The following VEPH1 variants were observed in gnomAD, a reference collection of about 807,000 sequenced individuals.
VEPH1 encodes ventricular zone-expressed PH domain-containing protein homolog 1.
Under a neutral mutation model 85.2 loss-of-function variants are expected in VEPH1, and 80 were observed. The observed-to-expected ratio is 0.94, with a 90% confidence interval of 0.78 to 1.13. The LOEUF (loss-of-function observed/expected upper bound fraction) is 1.13. VEPH1 is among the 50% of genes most tolerant of loss of function. VEPH1 has a pLI of 0.00. For synonymous variants in VEPH1, 297 were observed against 348.0 expected, an observed-to-expected ratio of 0.85 and a Z score of 1.63; for missense variants, 955 against 980.5, an observed-to-expected ratio of 0.97 and a Z score of 0.35.
At chr3:157,494,585 G>A (rs969084143) in intron 2 of VEPH1, among the ~76,000 whole-genome samples, 6 of 152,282 alleles carry the variant, frequency 3.9e-5, no homozygotes, top group Middle Eastern at 3.4e-3. Context: ...GATCACACTG[G>A]GGACTAATAA....
chr3:157,373,337 A>G (rs571276357), intron 7 of VEPH1, among the ~76,000 whole-genome samples: 2 of 152,324 alleles, frequency 1.3e-5, no homozygotes, highest in East Asian at 3.9e-4. Flanking sequence ...ACAATCTGAT[A>G]TCTCTGAATA....
At chr3:157,267,102 C>CTTTTTTTTTTTTTTTTTTTCT (rs10537483) in intron 12 of VEPH1, among the ~76,000 whole-genome samples, 3 of 124,672 alleles carry the variant, frequency 2.4e-5, no homozygotes, top group Non-Finnish European at 3.3e-5. Context: ...TCTTTTTTTT[C>CTTTTTTTTTTTTTTTTTTTCT]TTTTTTTTTT....
Position 157,364,397 on chromosome 3 carries a change from T to C in VEPH1, c.1243A>G (p.Lys415Glu), listed in dbSNP as rs560830784. The change falls in exon 8 of 14, where the codon AAG becomes GAG. Residue 415 changes from lysine to glutamate, a missense_variant. By Grantham distance (56) the Lys-to-Glu change is moderately conservative. Transcript: ENST00000362010. ...GGGGTATTGCTCCCTGCATTTATCT[T>C]GTCTTCAAAAGCCTGGATTTTAACT... is the stretch of plus-strand genomic sequence containing the variant. Reference protein sequence around the residue: ...LQVKIQAFEDKINAGSNTPGS... With the variant: ...LQVKIQAFEDEINAGSNTPGS... 2.2e-5 allele frequency: 36 copies of C among 1,613,958 alleles called. No individual in the cohort carries two copies. The highest frequency in any genetic ancestry group is 2.6e-5 in the Non-Finnish European group (31 of 1,179,964).
chr3:157,364,436 G>A lies in VEPH1; in HGVS notation c.1204C>T (p.His402Tyr). 6.2e-7 allele frequency: 1 copy of A among 1,613,852 alleles called. No individual in the cohort carries two copies. The highest frequency in any genetic ancestry group is 8.5e-7 in the Non-Finnish European group (1 of 1,179,896). The change falls in exon 8 of 14, where the codon CAT (histidine) becomes TAT (tyrosine). Residue 402 changes from histidine (H) to tyrosine (Y), a missense_variant. Transcript: ENST00000362010. The stretch of plus-strand genomic sequence containing the variant: ...TGGATTTTAACTTGGAGTTTTTCAT[G>A]GTCTTCATTTTCAGTTACTATGAGC... The part of the protein sequence containing the change: ...TKLIVTENED[H>Y]EKLQVKIQAF...
At chr3:157,468,807 T>C (rs1736636703) in intron 3 of VEPH1, among the ~76,000 whole-genome samples, 1 of 152,182 alleles carries the variant, frequency 6.6e-6, no homozygotes, top group Non-Finnish European at 1.5e-5. Context: ...TTTACCATCT[T>C]TGCAATTTTT....
chr3:157,342,945 TGAAG>T (rs1464707941), intron 9 of VEPH1, among the ~76,000 whole-genome samples: 1 of 152,048 alleles, frequency 6.6e-6, no homozygotes, highest in African/African-American at 2.4e-5. Context: ...CACAACGAAA[TGAAG>T]GCAGAAATAA....
chr3:157,356,055 G>A (rs972645538), intron 9 of VEPH1, among the ~76,000 whole-genome samples: 5 of 151,730 alleles, frequency 3.3e-5, no homozygotes, highest in African/African-American at 9.7e-5. Flanking sequence ...GCACATCATG[G>A]CTGGCTTATT....
chr3:157,394,137 G>C (rs1242904139), intron 6 of VEPH1, among the ~76,000 whole-genome samples: 1 of 152,206 alleles, frequency 6.6e-6, no homozygotes, highest in Non-Finnish European at 1.5e-5. Flanking sequence ...ATGCAAAGTA[G>C]AATTGATGGG....
chr3:157,326,302 C>A (rs1721898895), intron 9 of VEPH1, among the ~76,000 whole-genome samples: 1 of 152,090 alleles, frequency 6.6e-6, no homozygotes, highest in Non-Finnish European at 1.5e-5. Context: ...ATAGCCTTTG[C>A]CTGAATCCAG....
At chr3:157,338,955 A>T (rs913638480) in intron 9 of VEPH1, among the ~76,000 whole-genome samples, 1 of 152,216 alleles carries the variant, frequency 6.6e-6, no homozygotes, top group African/African-American at 2.4e-5. Flanking sequence ...GACACTAGGC[A>T]TCAAGAAGGT....
chr3:157,497,265 C>G (rs903709518), intron 1 of VEPH1, among the ~76,000 whole-genome samples: 1 of 152,160 alleles, frequency 6.6e-6, no homozygotes, highest in Admixed American at 6.5e-5. Context: ...TTCTACACTG[C>G]TCCTGGATCC....
intron 5 of VEPH1, among the ~76,000 whole-genome samples, chr3:157,415,565 A>G (rs911419654): frequency 6.6e-6 from 1 of 151,900 alleles, no homozygotes; most frequent in Non-Finnish European, 1.5e-5. Context: ...TTGCCCATCC[A>G]ATCTCTTCTC....
chr3:157,415,336 A>G (rs1395047751), intron 5 of VEPH1: 1 of 152,176 alleles, frequency 6.6e-6, no homozygotes. Flanking sequence ...GACATTCAGT[A>G]AAAGAAATAA....
chr3:157,471,807 G>A (rs77853394), intron 2 of VEPH1, among the ~76,000 whole-genome samples: 1,947 of 151,054 alleles, frequency 0.013, 44 homozygotes, highest in African/African-American at 0.041. Context: ...ATATCTCTAC[G>A]TTTCATTATT....
At chr3:157,492,098 T>C (rs1388393640) in intron 2 of VEPH1, among the ~76,000 whole-genome samples, 1 of 152,116 alleles carries the variant, frequency 6.6e-6, no homozygotes, top group Non-Finnish European at 1.5e-5. Flanking sequence ...CTCATATGAG[T>C]GGGATTAGCC....
chr3:157,288,663 A>T (rs1026137460), intron 11 of VEPH1, among the ~76,000 whole-genome samples: 4 of 152,272 alleles, frequency 2.6e-5, no homozygotes, highest in African/African-American at 9.6e-5. Flanking sequence ...TCCCTGGAAC[A>T]TAAACACAAT....
At chr3:157,501,524 T>G (rs1208784000) in intron 1 of VEPH1, among the ~76,000 whole-genome samples, 1 of 152,204 alleles carries the variant, frequency 6.6e-6, no homozygotes, top group Non-Finnish European at 1.5e-5. Flanking sequence ...CTTTACTACT[T>G]TTCAAGGTGA....
At chr3:157,277,760 TCA>T (rs1203891657) in intron 12 of VEPH1, among the ~76,000 whole-genome samples, 1 of 152,210 alleles carries the variant, frequency 6.6e-6, no homozygotes, top group Non-Finnish European at 1.5e-5. Context: ...TATGAATATA[TCA>T]CACATTCTAT....
chr3:157,298,867 A>C (rs1021024274), intron 11 of VEPH1, among the ~76,000 whole-genome samples: 1 of 152,176 alleles, frequency 6.6e-6, no homozygotes, highest in Non-Finnish European at 1.5e-5. Context: ...CCCTACAACC[A>C]ACATTTTTCC....
Sources: allele counts gnomAD v4.1 joint callset (sites outside exome capture counted in the v4.1 genomes callset), GRCh38; gene constraint gnomAD v4.1.1; transcripts MANE v1.5; gene names NCBI Gene and HGNC (gene_info 2026-07-23, HGNC 2026-07-21).